Variants in ROBO2 observed in about 807,000 individuals in gnomAD.
The protein encoded by ROBO2 is roundabout homolog 2.
ROBO2 carries 53 observed loss-of-function variants against 160.8 expected under a neutral mutation model. The ratio of observed to expected loss-of-function variants is 0.33; its 90% confidence interval spans 0.26 to 0.41. The LOEUF is 0.41. Ranked by LOEUF, ROBO2 falls within the 10% of genes least tolerant of loss-of-function variation. The pLI is 1.00. For synonymous variants in ROBO2, 664 were observed against 611.7 expected (o/e 1.09, Z -1.26); for missense variants, 1,577 against 1,722.4 (o/e 0.92, Z 1.49).
At chr3:76,265,471 C>T (rs1707040952) in intron 2 of ROBO2, among the ~76,000 whole-genome samples, 2 of 152,162 alleles carry the variant, frequency 1.3e-5, no homozygotes, top group South Asian at 4.1e-4. Flanking sequence ...GAGCTTCCTT[C>T]TCTTGTCACC....
At chr3:76,103,348 T>G (rs1576871282) in intron 2 of ROBO2, among the ~76,000 whole-genome samples, 1 of 152,176 alleles carries the variant, frequency 6.6e-6, no homozygotes, top group Admixed American at 6.5e-5. Flanking sequence ...TTTCTTCTCC[T>G]TTGCCTGGAC....
At chr3:76,432,794 A>T (rs1178164972) in intron 2 of ROBO2, among the ~76,000 whole-genome samples, 1 of 152,102 alleles carries the variant, frequency 6.6e-6, no homozygotes, top group African/African-American at 2.4e-5. Context: ...CATAACCGAA[A>T]AAACAGGGCA....
At chr3:77,135,314 A>G (rs1053273105) in intron 2 of ROBO2, among the ~76,000 whole-genome samples, 2 of 152,158 alleles carry the variant, frequency 1.3e-5, no homozygotes, top group Admixed American at 6.5e-5. Context: ...CTTGATCCTA[A>G]AGTTATTTGG....
At chr3:76,751,324 A>G (rs1042618388) in intron 2 of ROBO2, among the ~76,000 whole-genome samples, 3 of 152,154 alleles carry the variant, frequency 2.0e-5, no homozygotes, top group African/African-American at 7.2e-5. Flanking sequence ...AAAGACTTAC[A>G]TGTTAGACCT....
At chr3:76,355,578 C>T (rs951118047) in intron 2 of ROBO2, among the ~76,000 whole-genome samples, 5 of 151,668 alleles carry the variant, frequency 3.3e-5, no homozygotes, top group African/African-American at 7.3e-5. Flanking sequence ...TCACTTATTC[C>T]TTAAAATTCA....
intron 2 of ROBO2, among the ~76,000 whole-genome samples, chr3:77,395,131 C>T (rs2075142500): frequency 6.6e-6 from 1 of 152,086 alleles, no homozygotes; most frequent in South Asian, 2.1e-4. Context: ...TTCTACCCTC[C>T]CTCCTCCATA....
chr3:75,998,428 T>C (rs1235131563), intron 2 of ROBO2, among the ~76,000 whole-genome samples: 1 of 152,208 alleles, frequency 6.6e-6, no homozygotes. Flanking sequence ...AACACTTTCA[T>C]AGCTAGTTAC....
At chr3:77,563,094 T>C (rs559449872) in intron 10 of ROBO2, 73 bp from the exon 12 acceptor site, 304 of 1,450,344 alleles carry the variant, frequency 2.1e-4, no homozygotes, top group Middle Eastern at 4.7e-4. Context: ...TTTAGTAGAC[T>C]GCTTCCTTCT....
At chr3:77,336,148 A>G (rs1247983467) in intron 2 of ROBO2, among the ~76,000 whole-genome samples, 4 of 152,066 alleles carry the variant, frequency 2.6e-5, no homozygotes, top group Admixed American at 2.6e-4. Flanking sequence ...AAGGAGATAA[A>G]CCAAGGGTTC....
intron 2 of ROBO2, among the ~76,000 whole-genome samples, chr3:77,320,142 A>G (rs2064516735): frequency 6.6e-6 from 1 of 152,120 alleles, no homozygotes; most frequent in African/African-American, 2.4e-5. Flanking sequence ...CCATTCATGA[A>G]ATAGATTTCT....
chr3:77,064,436 C>A (rs1340040433), intron 1 of ROBO2, among the ~76,000 whole-genome samples: 1 of 150,180 alleles, frequency 6.7e-6, no homozygotes, highest in African/African-American at 2.5e-5. Context: ...TCTCAGCTCA[C>A]TGAAACATCC....
intron 2 of ROBO2, among the ~76,000 whole-genome samples, chr3:76,516,450 T>C (rs2081351302): frequency 6.6e-6 from 1 of 152,136 alleles, no homozygotes; most frequent in African/African-American, 2.4e-5. Context: ...CATTGTCGTA[T>C]TGAGTTGTAG....
intron 2 of ROBO2, among the ~76,000 whole-genome samples, chr3:76,363,872 T>G (rs1215579706): frequency 1.1e-4 from 16 of 152,072 alleles, no homozygotes; most frequent in Admixed American, 1.1e-3. Flanking sequence ...TTTCTTAATC[T>G]GGGACATCCT....
intron 2 of ROBO2, among the ~76,000 whole-genome samples, chr3:76,044,280 A>C (rs995298096): frequency 6.6e-6 from 1 of 152,026 alleles, no homozygotes; most frequent in African/African-American, 2.4e-5. Flanking sequence ...TCTTCCCTCA[A>C]ACATCTGTGT....
intron 2 of ROBO2, among the ~76,000 whole-genome samples, chr3:76,546,879 A>T (rs1293561851): frequency 6.6e-6 from 1 of 151,922 alleles, no homozygotes; most frequent in East Asian, 1.9e-4. Context: ...CCTAAGCCAA[A>T]TTCAAACTAC....
chr3:77,270,186 G>T (rs2059398240), intron 2 of ROBO2, among the ~76,000 whole-genome samples: 1 of 152,052 alleles, frequency 6.6e-6, no homozygotes. Context: ...ATTCTAAATG[G>T]TTCAAATCAA....
chr3:76,832,730 A>G (rs1160427098), intron 2 of ROBO2, among the ~76,000 whole-genome samples: 1 of 152,130 alleles, frequency 6.6e-6, no homozygotes, highest in Non-Finnish European at 1.5e-5. Context: ...GAGGTCTGGG[A>G]GCTGGAGAGA....
chr3:76,667,573 GA>G (rs35566100), intron 2 of ROBO2, among the ~76,000 whole-genome samples: 2 of 151,700 alleles, frequency 1.3e-5, no homozygotes, highest in Non-Finnish European at 2.9e-5. Context: ...GATCAAATCA[GA>G]AAAAACAACA....
chr3:75,975,514 A>G (rs1231137923), intron 2 of ROBO2, among the ~76,000 whole-genome samples: 1 of 151,246 alleles, frequency 6.6e-6, no homozygotes, highest in Non-Finnish European at 1.5e-5. Flanking sequence ...TTTTGAAATG[A>G]TTTTTATTAG....
Sources: allele counts gnomAD v4.1 joint callset (sites outside exome capture counted in the v4.1 genomes callset), GRCh38; gene constraint gnomAD v4.1.1; transcripts MANE v1.5; gene names NCBI Gene and HGNC (gene_info 2026-07-23, HGNC 2026-07-21).